The following YAP1 variants were observed in gnomAD, a reference collection of about 807,000 sequenced individuals.
YAP1 encodes the protein Yes1 associated transcriptional regulator, also known as transcriptional coactivator YAP1.
Under a neutral mutation model 56.9 loss-of-function variants are expected in YAP1, and 5 were observed. The observed-to-expected ratio is 0.09, with a 90% CI of 0.05 to 0.18. YAP1 has a LOEUF of 0.18. Among genes scored for constraint, YAP1 ranks in the 10% least tolerant of loss-of-function variants. The pLI is 1.00. For synonymous variants in YAP1, 265 were observed against 248.1 expected (o/e 1.07, Z -0.64); for missense variants, 539 against 651.8 (o/e 0.83, Z 1.88).
At chr11:102,191,343 C>T (rs2135532255) in intron 4 of YAP1, among the ~76,000 whole-genome samples, 1 of 152,090 alleles carries the variant, frequency 6.6e-6, no homozygotes, top group East Asian at 1.9e-4. Flanking sequence ...ATTACGATTC[C>T]TCGGACCACC....
rs769288504 is a variant in YAP1 at position 102,223,760 on chromosome 11, A to C, written c.1163+8A>C. 1.4e-5 allele frequency: 22 copies of C among 1,613,310 alleles called. No homozygotes were observed. The East Asian group carries it at 4.9e-4, about 36-fold the overall frequency. On this transcript the variant is annotated splice_region_variant and intron_variant, in intron 7 of 8. Coordinates refer to ENST00000282441, the MANE Select transcript of YAP1 (RefSeq NM_001130145.3). The stretch of plus-strand genomic sequence containing the variant: ...AGATCCTTTCCTTAACAGGTTGGTG[A>C]AAGTTGCTACTGGTGAATATCTGAA...
intron 3 of YAP1, among the ~76,000 whole-genome samples, chr11:102,168,268 C>A (rs769379184): frequency 6.6e-6 from 1 of 152,084 alleles, no homozygotes; most frequent in African/African-American, 2.4e-5. Flanking sequence ...TAACACTGAT[C>A]CACAAGATTG....
At chr11:102,178,931 A>G (rs1418394341) in intron 3 of YAP1, among the ~76,000 whole-genome samples, 2 of 152,188 alleles carry the variant, frequency 1.3e-5, no homozygotes, top group Non-Finnish European at 2.9e-5. Context: ...TACATGGTGC[A>G]AGAAAGTGAG....
chr11:102,230,823 TA>T lies in YAP1; in HGVS notation c.*884del, dbSNP rs1441255572. On this transcript the variant is annotated 3_prime_UTR_variant, in exon 9 of 9. Coordinates refer to ENST00000282441, the MANE Select transcript of YAP1 (RefSeq NM_001130145.3). ...AAAATCTTCATTTCCTGGTTTTTTT[TA>T]CCACCTTATTTAAATCTCGATTATC... is the stretch of plus-strand genomic sequence containing the variant. The T allele has an allele frequency of 6.6e-6, 1 of 152,400 alleles. No homozygotes were observed. Among genetic ancestry groups the T allele is most frequent in the East Asian group, 1.9e-4 (1 of 5,198 alleles). 9.4% of individuals were successfully genotyped at this position (152,400 alleles called of 1,614,324 possible).
intron 2 of YAP1, among the ~76,000 whole-genome samples, chr11:102,132,211 C>T (rs1944406791): frequency 6.6e-6 from 1 of 152,196 alleles, no homozygotes; most frequent in East Asian, 1.9e-4. Context: ...TCAGATACTA[C>T]TCAAGTCACG....
chr11:102,209,064 A>T (rs1393063075), intron 5 of YAP1, among the ~76,000 whole-genome samples: 1 of 152,142 alleles, frequency 6.6e-6, no homozygotes, highest in Non-Finnish European at 1.5e-5. Context: ...CTTATGTTGA[A>T]GTTGACAGAC....
At chr11:102,146,790 T>C (rs1375122903) in intron 2 of YAP1, among the ~76,000 whole-genome samples, 1 of 152,222 alleles carries the variant, frequency 6.6e-6, no homozygotes, top group East Asian at 1.9e-4. Flanking sequence ...TGTGCTTGCC[T>C]TGCTTCTGGA....
chr11:102,131,468 C>A (rs1944363934), intron 2 of YAP1, among the ~76,000 whole-genome samples: 1 of 152,152 alleles, frequency 6.6e-6, no homozygotes, highest in Non-Finnish European at 1.5e-5. Context: ...TGGTAACTGT[C>A]CCTCACGATT....
intron 2 of YAP1, among the ~76,000 whole-genome samples, chr11:102,139,158 C>T (rs376335666): frequency 6.0e-5 from 9 of 150,588 alleles, no homozygotes; most frequent in East Asian, 1.9e-4. Flanking sequence ...AATCAGATTT[C>T]GGCACTGTGA....
At chr11:102,164,281 C>T (rs917202740) in intron 3 of YAP1, among the ~76,000 whole-genome samples, 1 of 152,170 alleles carries the variant, frequency 6.6e-6, no homozygotes, top group Non-Finnish European at 1.5e-5. Flanking sequence ...GATCTGCCCA[C>T]CTTGGCCTCC....
At chr11:102,137,699 C>G (rs777473115) in intron 2 of YAP1, among the ~76,000 whole-genome samples, 8 of 149,294 alleles carry the variant, frequency 5.4e-5, no homozygotes, top group Non-Finnish European at 1.0e-4. Flanking sequence ...CACACATGCT[C>G]TTGTGGGTTG....
chr11:102,144,880 A>T (rs1351300235), intron 2 of YAP1, among the ~76,000 whole-genome samples: 1 of 33,008 alleles, frequency 3.0e-5, no homozygotes, highest in Non-Finnish European at 1.2e-4. Flanking sequence ...ACACACACAT[A>T]CACACACTCA....
chr11:102,193,459 AAAAT>A (rs971805466), intron 4 of YAP1, among the ~76,000 whole-genome samples: 1 of 152,148 alleles, frequency 6.6e-6, no homozygotes, highest in Non-Finnish European at 1.5e-5. Flanking sequence ...TTTTTATCTA[AAAAT>A]AAATACTTTG....
intron 2 of YAP1, among the ~76,000 whole-genome samples, chr11:102,115,326 A>G (rs536637896): frequency 6.6e-6 from 1 of 152,232 alleles, no homozygotes; most frequent in African/African-American, 2.4e-5. Flanking sequence ...AAAACAGTGT[A>G]AGTTTTGATT....
intron 2 of YAP1, among the ~76,000 whole-genome samples, chr11:102,134,992 C>T (rs1282094515): frequency 6.6e-6 from 1 of 152,168 alleles, no homozygotes; most frequent in Non-Finnish European, 1.5e-5. Flanking sequence ...GATTCTCCTG[C>T]CTCAGCCTCC....
intron 6 of YAP1, among the ~76,000 whole-genome samples, chr11:102,217,353 G>GT (rs1347867290): frequency 3.9e-5 from 6 of 152,224 alleles, no homozygotes; most frequent in Middle Eastern, 3.4e-3. Context: ...TATTTTTAAG[G>GT]TTTTTTTAAA....
chr11:102,215,943 G>A lies in YAP1; in HGVS notation c.1032+6379G>A, dbSNP rs75394838. ...CTTTTTCTCCCTTTCTTAACAATAT[G>A]ATATGTCTTTGTGGTTCAGTCTAGC... On this transcript the variant is annotated intron_variant, in intron 6 of 8. Coordinates refer to ENST00000282441, the MANE Select transcript of YAP1 (RefSeq NM_001130145.3). 5.3e-5 allele frequency among the ~76,000 whole-genome samples: 8 copies of A among 152,226 alleles called. No individual in the cohort carries two copies. The East Asian group carries it at 1.5e-3, about 29-fold the overall frequency.
chr11:102,128,295 G>A (rs558193808), intron 2 of YAP1, among the ~76,000 whole-genome samples: 20 of 152,206 alleles, frequency 1.3e-4, no homozygotes, highest in South Asian at 6.2e-4. Context: ...GGGACTCGGC[G>A]GGGGGTAATT....
intron 2 of YAP1, among the ~76,000 whole-genome samples, chr11:102,149,197 A>T (rs966656357): frequency 6.6e-6 from 1 of 152,222 alleles, no homozygotes; most frequent in African/African-American, 2.4e-5. Context: ...TATTAATGCT[A>T]TGTAACCTGA....
Sources: allele counts gnomAD v4.1 joint callset (sites outside exome capture counted in the v4.1 genomes callset), GRCh38; gene constraint gnomAD v4.1.1; transcripts MANE v1.5; gene names NCBI Gene and HGNC (gene_info 2026-07-23, HGNC 2026-07-21).